ABLIM1: variants seen among roughly 807,000 people sequenced by gnomAD.
ABLIM1 encodes the protein actin-binding LIM protein 1.
In ABLIM1, 40 loss-of-function variants were observed where a neutral mutation model predicts 107.0. The observed-to-expected ratio is 0.37, with a 90% CI of 0.29 to 0.49. ABLIM1 has a LOEUF of 0.49. Ranked by LOEUF, ABLIM1 falls within the 20% of genes least tolerant of loss-of-function variation. The pLI is 0.97. For missense variants in ABLIM1, 857 were observed against 1,008.5 expected (o/e 0.85, Z 2.04); for synonymous variants, 357 against 357.3 (o/e 1.00, Z 0.01).
chr10:114,521,870 G>A (rs917764156), intron 6 of ABLIM1, among the ~76,000 whole-genome samples: 20 of 152,132 alleles, frequency 1.3e-4, no homozygotes, highest in Non-Finnish European at 2.1e-4. Context: ...CCAGATAGTC[G>A]GGGAACAGTG....
chr10:114,699,065 C>T (rs953538196), intron 1 of ABLIM1, among the ~76,000 whole-genome samples: 4 of 125,778 alleles, frequency 3.2e-5, no homozygotes, highest in African/African-American at 1.3e-4. Flanking sequence ...AGAGCCTGGA[C>T]GATCTTAGTA....
chr10:114,689,481 C>T (rs868838684), upstream of ABLIM1, among the ~76,000 whole-genome samples: 2 of 151,268 alleles, frequency 1.3e-5, no homozygotes, highest in South Asian at 4.2e-4. Context: ...CATGCCTCAG[C>T]CTCCCGAGTA....
intron 1 of ABLIM1, among the ~76,000 whole-genome samples, chr10:114,698,300 A>G (rs2141814296): frequency 6.6e-6 from 1 of 152,056 alleles, no homozygotes; most frequent in East Asian, 1.9e-4. Flanking sequence ...TACAGAAATA[A>G]AAAAATAACA....
Position 114,432,821 on chromosome 10 carries a change from C to CT in ABLIM1, c.*3438dup, listed in dbSNP as rs2058995750. 1 of 152,160 alleles carries CT rather than the reference C, an allele frequency of 6.6e-6. No individual in the cohort carries two copies. The highest frequency in any genetic ancestry group is 2.4e-5 in the African/African-American group (1 of 41,436). The allele number at this position is 152,160 out of a possible 1,614,324, so 9.4% of individuals were successfully genotyped here. A position where few individuals can be genotyped will look rare whatever the true frequency, so the allele number is the denominator to read the frequency against. ...AAAAAAAAACAACAACTCATTAACT[C>CT]TATCTCTTTGAGGTTTTGGAGAACA... On this transcript the variant is annotated 3_prime_UTR_variant, in exon 23 of 23. Coordinates refer to ENST00000533213, the MANE Select transcript of ABLIM1 (RefSeq NM_002313.7).
chr10:114,508,376 G>C (rs2061428830), intron 6 of ABLIM1, among the ~76,000 whole-genome samples: 1 of 152,116 alleles, frequency 6.6e-6, no homozygotes. Flanking sequence ...ATACATTCTA[G>C]CTCCAAAATT....
chr10:114,571,790 C>A (rs375788114), intron 3 of ABLIM1, among the ~76,000 whole-genome samples: 2 of 152,178 alleles, frequency 1.3e-5, no homozygotes. Context: ...TAAGGCCCTG[C>A]CCCAGGAGAC....
chr10:114,732,918 C>A (rs929913142), intron 1 of ABLIM1, among the ~76,000 whole-genome samples: 3 of 152,166 alleles, frequency 2.0e-5, no homozygotes, highest in Non-Finnish European at 2.9e-5. Context: ...CATGCTCCAA[C>A]TGAACTTCAG....
the ABLIM1 span, among the ~76,000 whole-genome samples, chr10:114,795,042 C>A: frequency 1.3e-5 from 2 of 151,848 alleles, no homozygotes; most frequent in East Asian, 3.9e-4. Context: ...AAACTTAAAC[C>A]AACCCTCTCA....
chr10:114,689,431 G>A (rs978577435), upstream of ABLIM1, among the ~76,000 whole-genome samples: 2 of 143,128 alleles, frequency 1.4e-5, no homozygotes, highest in African/African-American at 2.6e-5. Flanking sequence ...GCTCGATCTC[G>A]GCTCACTGCA....
At chr10:114,586,014 T>G (rs1490361028) in intron 2 of ABLIM1, among the ~76,000 whole-genome samples, 2 of 152,176 alleles carry the variant, frequency 1.3e-5, no homozygotes, top group Non-Finnish European at 2.9e-5. Context: ...CTACTTTAAA[T>G]CAGGCTGGTG....
At chr10:114,684,348 T>G in exon 1 of ABLIM1, 2 of 1,614,056 alleles carry the variant, frequency 1.2e-6, no homozygotes, top group South Asian at 2.2e-5. Context: ...CCAAGGTCAT[T>G]AACATGCACA....
Position 114,657,954 on chromosome 10 carries a change from T to C in ABLIM1, c.244+3A>G, listed in dbSNP as rs964387051. The C allele has an allele frequency of 6.2e-7, 1 of 1,606,476 alleles. No homozygotes were observed. Among genetic ancestry groups the C allele is most frequent in the Non-Finnish European group, 8.5e-7 (1 of 1,174,172 alleles). On this transcript the variant is annotated splice_donor_region_variant and intron_variant, in intron 1 of 22. Transcript: ENST00000533213. Reference sequence around the variant, plus strand: ...CATGTCCAGAGAGGGTTATTTTACTTACCAAAAGGATCAACGCTGTTACAT... The same window carrying C: ...CATGTCCAGAGAGGGTTATTTTACTCACCAAAAGGATCAACGCTGTTACAT...
chr10:114,493,816 A>G (rs2059327318), intron 6 of ABLIM1, among the ~76,000 whole-genome samples: 1 of 152,234 alleles, frequency 6.6e-6, no homozygotes, highest in Non-Finnish European at 1.5e-5. Context: ...TATTGTAAAG[A>G]TGCTGATTTA....
At chr10:114,684,731 G>A in exon 1 of ABLIM1, 1 of 1,027,898 alleles carries the variant, frequency 9.7e-7, no homozygotes, top group East Asian at 8.3e-5. Context: ...GGATTTTCCT[G>A]CATTCTGCAC....
chr10:114,440,068 A>C lies in ABLIM1; in HGVS notation c.2067+14T>G. 2 of 1,613,922 alleles carry C rather than the reference A, an allele frequency of 1.2e-6. No homozygotes were observed. Among genetic ancestry groups the C allele is most frequent in the Non-Finnish European group, 1.7e-6 (2 of 1,180,012 alleles). ...TCGGTGTGGCCAATTCAAGAAAGAC[A>C]AAGTGTTCCATACCTGGTAATCTGA... On this transcript the variant is annotated intron_variant, in intron 20 of 22. Coordinates refer to ENST00000533213, the MANE Select transcript of ABLIM1 (RefSeq NM_002313.7).
intron 1 of ABLIM1, among the ~76,000 whole-genome samples, chr10:114,701,224 A>G (rs2141843369): frequency 6.6e-6 from 1 of 152,326 alleles, no homozygotes; most frequent in South Asian, 2.1e-4. Flanking sequence ...AATGCAAAGT[A>G]AAAATCACAA....
Position 114,525,549 on chromosome 10 carries a change from T to C in ABLIM1, c.894+19456A>G, listed in dbSNP as rs577728855. Among the ~76,000 whole-genome samples, 34 of 152,350 alleles carry C rather than the reference T, an allele frequency of 2.2e-4. No homozygotes were observed. In the South Asian group the frequency reaches 6.6e-3, roughly 30 times the overall value. The stretch of plus-strand genomic sequence containing the variant: ...CCTTCTCAAAAGTAATTTATACCAA[T>C]GAGCCGTGGCAAATTCACCTATTCT... On this transcript the variant is annotated intron_variant, in intron 6 of 22. Coordinates refer to ENST00000533213, the MANE Select transcript of ABLIM1 (RefSeq NM_002313.7).
chr10:114,625,651 GT>G (rs1007976796), intron 1 of ABLIM1, among the ~76,000 whole-genome samples: 1 of 152,096 alleles, frequency 6.6e-6, no homozygotes, highest in Non-Finnish European at 1.5e-5. Context: ...AAAGGGGGGG[GT>G]ACAGTATGTC....
chr10:114,668,671 A>G (rs1186660024), intron 1 of ABLIM1, among the ~76,000 whole-genome samples: 1 of 152,182 alleles, frequency 6.6e-6, no homozygotes, highest in Non-Finnish European at 1.5e-5. Flanking sequence ...GGAGGCATCA[A>G]AAAGAATCCC....
Sources: gnomAD v4.1 joint callset for allele counts (sites outside exome capture counted in the v4.1 genomes callset) on GRCh38, gnomAD v4.1.1 for gene constraint, MANE v1.5 for transcripts, NCBI Gene and HGNC (gene_info 2026-07-23, HGNC 2026-07-21) for gene names.